The following OR2T4 variants were observed in gnomAD, a reference collection of about 807,000 sequenced individuals.
OR2T4 encodes olfactory receptor 2T4.
For synonymous variants in OR2T4, 149 were observed against 145.6 expected (o/e 1.02, Z -0.17); for missense variants, 374 against 395.6 (o/e 0.95, Z 0.46).
In OR2T4 at chr1:248,361,701, T is replaced by A. The variant is rs200752676; in HGVS notation, c.37T>A (p.Trp13Arg). ...NITWMANHTGWSDFILLGLFR... is the reference protein window; with the variant it reads ...NITWMANHTGRSDFILLGLFR... ...CACCTGGATGGCCAACCACACTGGATGGTCGGATTTCATCCTGTTGGGACT... is the reference window on the plus strand; with the variant it reads ...CACCTGGATGGCCAACCACACTGGAAGGTCGGATTTCATCCTGTTGGGACT... Residue 13 changes from tryptophan to arginine, a missense_variant, in exon 1 of 1, where the codon TGG (tryptophan) becomes AGG (arginine). Transcript: ENST00000366473. 8.0e-7 allele frequency: 1 copy of A among 1,252,024 alleles called. No homozygotes were observed. The highest frequency in any genetic ancestry group is 1.1e-6 in the Non-Finnish European group (1 of 950,150). 77.6% of individuals were successfully genotyped at this position (1,252,024 alleles called of 1,614,324 possible). A position where few individuals can be genotyped will look rare whatever the true frequency, so the allele number is the denominator to read the frequency against.
chr1:248,362,620 T>C lies in OR2T4; in HGVS notation c.956T>C (p.Met319Thr), dbSNP rs770722492. ...LTVEPAFQKA[M>T]E ...GTGGAACCTGCCTTTCAAAAAGCTA[T>C]GGAGTAGACCATTTTGAGAGTAATT... Residue 319 changes from methionine (M) to threonine (T), a missense_variant, in exon 1 of 1, where the codon ATG (methionine) becomes ACG (threonine). Transcript: ENST00000366473. 3.0e-5 allele frequency: 48 copies of C among 1,613,664 alleles called. No individual in the cohort carries two copies. The highest frequency in any genetic ancestry group is 3.7e-5 in the Non-Finnish European group (44 of 1,179,678).
In OR2T4 at chr1:248,362,238, T is replaced by C; in HGVS notation, c.574T>C (p.Ser192Pro). ...FCEVPAVLNL[S>P]CSDTSLYEIF... ...TGAAGTTCCTGCTGTATTGAATCTC[T>C]CCTGCTCAGACACCTCACTCTATGA... Residue 192 changes from serine (S) to proline (P), a missense_variant, in exon 1 of 1, where the codon TCC becomes CCC. By Grantham distance (74) the Ser-to-Pro change is moderately conservative. Transcript: ENST00000366473. 6.2e-7 allele frequency: 1 copy of C among 1,614,212 alleles called. No individual in the cohort carries two copies. Among genetic ancestry groups the C allele is most frequent in the Non-Finnish European group, 8.5e-7 (1 of 1,180,022 alleles).
In OR2T4 at chr1:248,362,562, G is replaced by C. The variant is rs145663467; in HGVS notation, c.898G>C (p.Asp300His). The C allele has an allele frequency of 1.6e-4, 259 of 1,614,096 alleles. 1 individual carries two copies. The African/African-American group carries it at 3.3e-3, about 20-fold the overall frequency. Residue 300 changes from aspartate to histidine, a missense_variant, in exon 1 of 1, where the codon GAT becomes CAT. Asp to His is a moderately conservative substitution (Grantham distance 81, BLOSUM62 -1). Transcript: ENST00000366473. ...NPLIYSLRNKDVMGALKKMLT... is the reference protein window; with the variant it reads ...NPLIYSLRNKHVMGALKKMLT... ...TTTAATCTATAGTCTTAGGAATAAGGATGTCATGGGGGCTCTGAAGAAAAT... is the reference window on the plus strand; with the variant it reads ...TTTAATCTATAGTCTTAGGAATAAGCATGTCATGGGGGCTCTGAAGAAAAT...
rs1174048132 is a variant in OR2T4, at chr1:248,362,063, T to C, written c.399T>C (p.Pro133=). 3 of 1,614,152 alleles carry C rather than the reference T, an allele frequency of 1.9e-6. No homozygotes were observed. The East Asian group carries it at 6.7e-5, about 36-fold the overall frequency. Residue 133 remains proline (P), a synonymous_variant, in exon 1 of 1, where the codon CCT becomes CCC. Coordinates refer to ENST00000366473, the MANE Select transcript of OR2T4 (RefSeq NM_001004696.2). Reference sequence around the variant, plus strand: ...ACCGCTACGTGGCCATCTGCCATCCTCTCCGTTACCCTGTCCTCATGAACC... The same window carrying C: ...ACCGCTACGTGGCCATCTGCCATCCCCTCCGTTACCCTGTCCTCATGAACC... ...AYDRYVAICH[P]LRYPVLMNHR... is the part of the protein sequence containing the mutation.
At position 248,361,888 on chromosome 1, in the gene OR2T4, TGGC is replaced by T. The variant is rs1660697953; in HGVS notation, c.226_228del (p.Ala76del). 1 of 1,614,152 alleles carries T rather than the reference TGGC, an allele frequency of 6.2e-7. No homozygotes were observed. Among genetic ancestry groups the T allele is most frequent in the African/African-American group, 1.3e-5 (1 of 75,054 alleles). On this transcript the variant is annotated inframe_deletion, in exon 1 of 1. Coordinates refer to ENST00000366473, the MANE Select transcript of OR2T4 (RefSeq NM_001004696.2). ...ATCAGTCAATTGTCTCTCATGGACA[TGGC>T]GTACATTTCTGTCACTGTGCCCAAG...
In OR2T4 at chr1:248,362,461, C is replaced by G; in HGVS notation, c.797C>G (p.Pro266Arg). 1 of 1,614,096 alleles carries G rather than the reference C, an allele frequency of 6.2e-7. No individual in the cohort carries two copies. The highest frequency in any genetic ancestry group is 8.5e-7 in the Non-Finnish European group (1 of 1,180,022). ...YGAAIYTYML[P>R]SSYHTPEKDM... Reference sequence around the variant, plus strand: ...GCTGCCATCTACACCTACATGCTCCCCAGCTCCTACCACACCCCTGAGAAG... The same window carrying G: ...GCTGCCATCTACACCTACATGCTCCGCAGCTCCTACCACACCCCTGAGAAG... The change falls in exon 1 of 1, where the codon CCC becomes CGC. Residue 266 changes from proline (P) to arginine (R), a missense_variant. Physicochemically the swap from Pro to Arg is moderately radical, Grantham distance 103. Transcript: ENST00000366473.
chr1:248,361,959 C>T lies in OR2T4; in HGVS notation c.295C>T (p.Pro99Ser), dbSNP rs1386592815. 2.5e-6 allele frequency: 4 copies of T among 1,613,886 alleles called. No homozygotes were observed. In the East Asian group the frequency reaches 8.9e-5, roughly 36 times the overall value. ...CATGGGTGTGAATAAGATCTCAGCC[C>T]CTGAGTGTGGGATGCAGATGTTCTT... is the stretch of plus-strand genomic sequence containing the variant. ...QVMGVNKISA[P>S]ECGMQMFFYV... is the part of the protein sequence containing the mutation. The change falls in exon 1 of 1, where the codon CCT becomes TCT. Residue 99 changes from proline to serine, a missense_variant. Physicochemically the swap from Pro to Ser is moderately conservative, Grantham distance 74 (BLOSUM62 -1). Coordinates refer to ENST00000366473, the MANE Select transcript of OR2T4 (RefSeq NM_001004696.2).
rs1301101817 is a variant in OR2T4, at chr1:248,362,341, T to C, written c.677T>C (p.Leu226Pro). 1 of 1,613,698 alleles carries C rather than the reference T, an allele frequency of 6.2e-7. No individual in the cohort carries two copies. Among genetic ancestry groups the C allele is most frequent in the African/African-American group, 1.3e-5 (1 of 74,828 alleles). Residue 226 changes from leucine (L) to proline (P), a missense_variant, in exon 1 of 1, where the codon CTC (leucine) becomes CCC (proline). Coordinates refer to ENST00000366473, the MANE Select transcript of OR2T4 (RefSeq NM_001004696.2). ...VIISSSYLLI[L>P]LTIHGMNSAE... is the part of the protein sequence containing the mutation. ...ATTTCAAGCTCCTATTTACTCATCC[T>C]CCTCACCATCCACGGGATGAACTCA...
chr1:248,362,377 G>A lies in OR2T4; in HGVS notation c.713G>A (p.Arg238Gln), dbSNP rs370187385. 1.4e-5 allele frequency: 23 copies of A among 1,613,834 alleles called. No homozygotes were observed. Among genetic ancestry groups the A allele is most frequent in the East Asian group, 8.9e-5 (4 of 44,870 alleles). ...CACGGGATGAACTCAGCAGAGGGCC[G>A]GAAAAAGGCCTTTGCCACCTGCTCC... ...TIHGMNSAEG[R>Q]KKAFATCSSH... Residue 238 changes from arginine (R) to glutamine (Q), a missense_variant, in exon 1 of 1, where the codon CGG becomes CAG. Physicochemically the swap from Arg to Gln is conservative, Grantham distance 43 (BLOSUM62 1). Coordinates refer to ENST00000366473, the MANE Select transcript of OR2T4 (RefSeq NM_001004696.2).
In OR2T4 at chr1:248,361,743, C is replaced by A; in HGVS notation, c.79C>A (p.His27Asn). The A allele has an allele frequency of 6.3e-7, 1 of 1,599,726 alleles. No individual in the cohort carries two copies. The highest frequency in any genetic ancestry group is 8.5e-7 in the Non-Finnish European group (1 of 1,170,196). The change falls in exon 1 of 1, where the codon CAT becomes AAT. Residue 27 changes from histidine (H) to asparagine (N), a missense_variant. His to Asn is a moderately conservative substitution (Grantham distance 68). Coordinates refer to ENST00000366473, the MANE Select transcript of OR2T4 (RefSeq NM_001004696.2). ...GTTGGGACTCTTCAGACAATCCAAA[C>A]ATCCAGCACTACTTTGTGTGGTCAT... ...ILLGLFRQSK[H>N]PALLCVVIFV...
Position 248,361,790 on chromosome 1 carries a change from G to A in OR2T4, c.126G>A (p.Ala42=), listed in dbSNP as rs760202764. 27 of 1,613,842 alleles carry A rather than the reference G, an allele frequency of 1.7e-5. No individual in the cohort carries two copies. Among genetic ancestry groups the A allele is most frequent in the South Asian group, 6.6e-5 (6 of 91,044 alleles). The change falls in exon 1 of 1, where the codon GCG becomes GCA. Residue 42 remains alanine (A), a synonymous_variant. Transcript: ENST00000366473. The part of the protein sequence containing the change: ...CVVIFVVFLM[A]LSGNAVLILL... ...TCATTTTTGTGGTTTTCCTGATGGC[G>A]TTGTCTGGAAATGCTGTCCTGATCC...
At position 248,362,437 on chromosome 1, in the gene OR2T4, C is replaced by T. The variant is rs2103060031; in HGVS notation, c.773C>T (p.Ala258Val). ...ACTGTGGTCATCCTCTTCTATGGGG[C>T]TGCCATCTACACCTACATGCTCCCC... ...HLTVVILFYG[A>V]AIYTYMLPSS... Residue 258 changes from alanine to valine, a missense_variant, in exon 1 of 1, where the codon GCT (alanine) becomes GTT (valine). Ala to Val is a moderately conservative substitution (Grantham distance 64, BLOSUM62 0). Coordinates refer to ENST00000366473, the MANE Select transcript of OR2T4 (RefSeq NM_001004696.2). The T allele has an allele frequency of 6.2e-7, 1 of 1,614,126 alleles. No individual in the cohort carries two copies. The highest frequency in any genetic ancestry group is 8.5e-7 in the Non-Finnish European group (1 of 1,180,020).
chr1:248,361,960 C>T lies in OR2T4; in HGVS notation c.296C>T (p.Pro99Leu), dbSNP rs1269654756. 1.2e-6 allele frequency: 2 copies of T among 1,613,786 alleles called. No individual in the cohort carries two copies. The highest frequency in any genetic ancestry group is 4.5e-5 in the East Asian group (2 of 44,874). Residue 99 changes from proline (P) to leucine (L), a missense_variant, in exon 1 of 1, where the codon CCT (proline) becomes CTT (leucine). Pro to Leu is a moderately conservative substitution (Grantham distance 98, BLOSUM62 -3). Transcript: ENST00000366473. Reference sequence around the variant, plus strand: ...ATGGGTGTGAATAAGATCTCAGCCCCTGAGTGTGGGATGCAGATGTTCTTC... The same window carrying T: ...ATGGGTGTGAATAAGATCTCAGCCCTTGAGTGTGGGATGCAGATGTTCTTC... ...QVMGVNKISA[P>L]ECGMQMFFYV...
chr1:248,361,806 G>C lies in OR2T4; in HGVS notation c.142G>C (p.Val48Leu). ...CCTGATGGCGTTGTCTGGAAATGCT[G>C]TCCTGATCCTTCTGATACACTGTGA... is the stretch of plus-strand genomic sequence containing the variant. ...VFLMALSGNA[V>L]LILLIHCDAH... is the part of the protein sequence containing the mutation. The change falls in exon 1 of 1, where the codon GTC becomes CTC. Residue 48 changes from valine (V) to leucine (L), a missense_variant. Transcript: ENST00000366473. 3.1e-6 allele frequency: 5 copies of C among 1,614,040 alleles called. No individual in the cohort carries two copies. The highest frequency in any genetic ancestry group is 4.2e-6 in the Non-Finnish European group (5 of 1,179,986).
rs945387985 is a variant in OR2T4 at position 248,361,705 on chromosome 1, C to T, written c.41C>T (p.Ser14Leu). Residue 14 changes from serine to leucine, a missense_variant, in exon 1 of 1, where the codon TCG becomes TTG. Physicochemically the swap from Ser to Leu is moderately radical, Grantham distance 145. Transcript: ENST00000366473. Reference protein sequence around the residue: ...ITWMANHTGWSDFILLGLFRQ... With the variant: ...ITWMANHTGWLDFILLGLFRQ... ...TGGATGGCCAACCACACTGGATGGTCGGATTTCATCCTGTTGGGACTCTTC... is the reference window on the plus strand; with the variant it reads ...TGGATGGCCAACCACACTGGATGGTTGGATTTCATCCTGTTGGGACTCTTC... The T allele has an allele frequency of 5.6e-6, 7 of 1,253,544 alleles. No individual in the cohort carries two copies. Among genetic ancestry groups the T allele is most frequent in the African/African-American group, 4.2e-5 (3 of 71,866 alleles). The allele number at this position is 1,253,544 out of a possible 1,614,324, so 77.7% of individuals were successfully genotyped here.
Position 248,362,449 on chromosome 1 carries a change from C to A in OR2T4, c.785C>A (p.Thr262Asn), listed in dbSNP as rs773251392. The A allele has an allele frequency of 1.9e-6, 3 of 1,614,114 alleles. No homozygotes were observed. Among genetic ancestry groups the A allele is most frequent in the South Asian group, 1.1e-5 (1 of 91,058 alleles). Residue 262 changes from threonine (T) to asparagine (N), a missense_variant, in exon 1 of 1, where the codon ACC (threonine) becomes AAC (asparagine). Transcript: ENST00000366473. Reference sequence around the variant, plus strand: ...CTCTTCTATGGGGCTGCCATCTACACCTACATGCTCCCCAGCTCCTACCAC... The same window carrying A: ...CTCTTCTATGGGGCTGCCATCTACAACTACATGCTCCCCAGCTCCTACCAC... Reference protein sequence around the residue: ...VILFYGAAIYTYMLPSSYHTP... With the variant: ...VILFYGAAIYNYMLPSSYHTP...
Position 248,361,706 on chromosome 1 carries a change from G to A in OR2T4, c.42G>A (p.Ser14=), listed in dbSNP as rs766892843. The A allele has an allele frequency of 9.6e-6, 12 of 1,253,636 alleles. No individual in the cohort carries two copies. The highest frequency in any genetic ancestry group is 2.1e-4 in the Middle Eastern group (1 of 4,730). The allele number at this position is 1,253,636 out of a possible 1,614,324, so 77.7% of individuals were successfully genotyped here. ...ITWMANHTGW[S]DFILLGLFRQ... ...GGATGGCCAACCACACTGGATGGTC[G>A]GATTTCATCCTGTTGGGACTCTTCA... Residue 14 remains serine, a synonymous_variant, in exon 1 of 1, where the codon TCG becomes TCA. Transcript: ENST00000366473.
At position 248,362,561 on chromosome 1, in the gene OR2T4, G is replaced by A. The variant is rs1660719785; in HGVS notation, c.897G>A (p.Lys299=). The stretch of plus-strand genomic sequence containing the variant: ...CTTTAATCTATAGTCTTAGGAATAA[G>A]GATGTCATGGGGGCTCTGAAGAAAA... The part of the protein sequence containing the change: ...VNPLIYSLRN[K]DVMGALKKML... The change falls in exon 1 of 1, where the codon AAG becomes AAA. Residue 299 remains lysine, a synonymous_variant. Coordinates refer to ENST00000366473, the MANE Select transcript of OR2T4 (RefSeq NM_001004696.2). The A allele has an allele frequency of 6.2e-7, 1 of 1,614,032 alleles. No individual in the cohort carries two copies. Among genetic ancestry groups the A allele is most frequent in the Non-Finnish European group, 8.5e-7 (1 of 1,180,022 alleles).
At position 248,362,109 on chromosome 1, in the gene OR2T4, T is replaced by G. The variant is rs1258991696; in HGVS notation, c.445T>G (p.Ser149Ala). Residue 149 changes from serine (S) to alanine (A), a missense_variant, in exon 1 of 1, where the codon TCA becomes GCA. Transcript: ENST00000366473. Reference protein sequence around the residue: ...LMNHRVCLFLSSGCWFLGSVD... With the variant: ...LMNHRVCLFLASGCWFLGSVD... ...GAACCATAGGGTGTGTCTCTTCCTGTCATCAGGCTGCTGGTTCCTGGGCTC... is the reference window on the plus strand; with the variant it reads ...GAACCATAGGGTGTGTCTCTTCCTGGCATCAGGCTGCTGGTTCCTGGGCTC... 2 of 1,614,204 alleles carry G rather than the reference T, an allele frequency of 1.2e-6. No individual in the cohort carries two copies. The highest frequency in any genetic ancestry group is 8.5e-7 in the Non-Finnish European group (1 of 1,180,036).
Sources: gnomAD v4.1 joint callset for allele counts on GRCh38, gnomAD v4.1.1 for gene constraint, MANE v1.5 for transcripts, NCBI Gene and HGNC (gene_info 2026-07-23, HGNC 2026-07-21) for gene names.